ZNF236: variants seen among roughly 807,000 people sequenced by gnomAD.
The protein encoded by ZNF236 is zinc finger protein 236.
In ZNF236, 50 loss-of-function variants were observed where a neutral mutation model predicts 191.2. The ratio of observed to expected loss-of-function variants is 0.26; its 90% CI spans 0.21 to 0.33. The LOEUF (loss-of-function observed/expected upper bound fraction) is 0.33, where lower values mean the gene tolerates loss of function less well. Ranked by LOEUF, ZNF236 falls within the 10% of genes least tolerant of loss-of-function variation. The probability of loss-of-function intolerance (pLI) is 1.00; values close to 1 mark genes in which losing one functional copy is unlikely to be tolerated. For synonymous variants in ZNF236, 907 were observed against 928.8 expected (o/e 0.98, Z 0.43); for missense variants, 1,754 against 2,374.5 (o/e 0.74, Z 5.43).
intron 3 of ZNF236, among the ~76,000 whole-genome samples, chr18:76,860,304 A>G (rs931906276): frequency 5.3e-5 from 8 of 152,164 alleles, no homozygotes; most frequent in African/African-American, 1.9e-4. Context: ...CTCTAAGGCT[A>G]CACCCATCTA....
chr18:76,851,263 CTTTT>C (rs775928958), intron 2 of ZNF236, among the ~76,000 whole-genome samples: 2 of 117,676 alleles, frequency 1.7e-5, no homozygotes, highest in Non-Finnish European at 1.7e-5. Flanking sequence ...AGAAAGAAAC[CTTTT>C]TTTTTTTTTT....
At chr18:76,954,444 C>T (rs1024716937) in intron 27 of ZNF236, among the ~76,000 whole-genome samples, 1 of 152,216 alleles carries the variant, frequency 6.6e-6, no homozygotes, top group Non-Finnish European at 1.5e-5. Context: ...CTTCAGCATG[C>T]ATTTATCTGC....
At chr18:76,897,195 C>T (rs866900365) in intron 10 of ZNF236, among the ~76,000 whole-genome samples, 21 of 151,250 alleles carry the variant, frequency 1.4e-4, no homozygotes, top group African/African-American at 2.7e-4. Context: ...CCACTGGTAC[C>T]GCATAAAGTA....
chr18:76,882,707 C>T (rs1323599476), intron 9 of ZNF236, among the ~76,000 whole-genome samples: 1 of 152,208 alleles, frequency 6.6e-6, no homozygotes, highest in African/African-American at 2.4e-5. Context: ...ACTAGTCAGG[C>T]TCTTCTTCCC....
At chr18:76,905,545 GAAAAA>G (rs1159878664) in intron 13 of ZNF236, 130 bp downstream of exon 13, 13 of 68,010 alleles carry the variant, frequency 1.9e-4, no homozygotes, top group South Asian at 4.2e-4. Flanking sequence ...ATGGGCTCAA[GAAAAA>G]AAAAAAAAAA....
At chr18:76,909,528 C>G (rs1218754208) in intron 14 of ZNF236, among the ~76,000 whole-genome samples, 1 of 152,020 alleles carries the variant, frequency 6.6e-6, no homozygotes, top group East Asian at 1.9e-4. Flanking sequence ...GGCTCCTGAA[C>G]CAGAATATAA....
rs865879162 is a variant in ZNF236, at chr18:76,908,331, C to T, written c.2309C>T (p.Ala770Val). 5.0e-6 allele frequency: 8 copies of T among 1,613,044 alleles called. No individual in the cohort carries two copies. The African/African-American group carries it at 9.3e-5, about 19-fold the overall frequency. ...TAATTTTTCTGAAGATATGAGCTTG[C>T]CCAGCAGCTCCAACAGCATCAGCAG... ...KHMKTHRYEL[A>V]QQLQQHQQAA... The change falls in exon 14 of 31, where the codon GCC (alanine) becomes GTC (valine). Residue 770 changes from alanine to valine, a missense_variant. Ala to Val is a moderately conservative substitution (Grantham distance 64). This residue lies in a region of ZNF236 where 641 missense variants were observed against 869.6 expected (regional missense o/e 0.74). Transcript: ENST00000320610.
rs1347691102 is a variant in ZNF236 at position 76,919,403 on chromosome 18, G to A, written c.3275-373G>A. Among the ~76,000 whole-genome samples, 1 of 152,170 alleles carries A rather than the reference G, an allele frequency of 6.6e-6. No homozygotes were observed. Reference sequence around the variant, plus strand: ...TATTCATCACCTTAAGTATTTAGCAGTTTCTAAGTATGGGAACATTTCAAG... The same window carrying A: ...TATTCATCACCTTAAGTATTTAGCAATTTCTAAGTATGGGAACATTTCAAG... On this transcript the variant is annotated intron_variant, in intron 19 of 30. Coordinates refer to ENST00000320610, the MANE Select transcript of ZNF236 (RefSeq NM_001306089.2). This position sits in a 1 kb window ranked among gnomAD's most constrained non-coding sequence, Gnocchi z 5.3.
At chr18:76,836,972 T>C (rs1006703246) in intron 1 of ZNF236, among the ~76,000 whole-genome samples, 1 of 151,964 alleles carries the variant, frequency 6.6e-6, no homozygotes, top group Admixed American at 6.6e-5. Context: ...GACTTCCAGG[T>C]TCAAGCAATT....
intron 25 of ZNF236, among the ~76,000 whole-genome samples, chr18:76,933,767 A>G (rs1349586222): frequency 1.3e-5 from 2 of 152,196 alleles, no homozygotes; most frequent in African/African-American, 4.8e-5. Context: ...AATTGTTCAT[A>G]TATTGACCCA....
intron 22 of ZNF236, among the ~76,000 whole-genome samples, chr18:76,926,727 C>CTGTGTGTATGATATAAAGGGTGATTAGA (rs1967694106): frequency 5.7e-3 from 13 of 2,284 alleles, no homozygotes; most frequent in Non-Finnish European, 0.01. Context: ...GGTGATTAGA[C>CTGTGTGTATGATATAAAGGGTGATTAGA]CATGTGTGTG....
Position 76,880,206 on chromosome 18 carries a change from A to G in ZNF236, c.1078A>G (p.Ile360Val). ...QPSSQAVSDVIQQLLELSEPA... is the reference protein window; with the variant it reads ...QPSSQAVSDVVQQLLELSEPA... ...GAGCTCCCAGGCGGTGAGCGACGTC[A>G]TCCAGCAGCTCCTGGAGCTCTCAGA... Residue 360 changes from isoleucine to valine, a missense_variant, in exon 8 of 31, where the codon ATC becomes GTC. By Grantham distance (29) the Ile-to-Val change is conservative. Transcript: ENST00000320610. This position sits in a 1 kb window ranked among gnomAD's most constrained non-coding sequence, Gnocchi z 5.0. 1 of 1,614,140 alleles carries G rather than the reference A, an allele frequency of 6.2e-7. No homozygotes were observed. Among genetic ancestry groups the G allele is most frequent in the Non-Finnish European group, 8.5e-7 (1 of 1,180,018 alleles).
chr18:76,862,067 G>C (rs1393396474), intron 3 of ZNF236, among the ~76,000 whole-genome samples: 1 of 152,018 alleles, frequency 6.6e-6, no homozygotes, highest in African/African-American at 2.4e-5. Context: ...ATTTCACTGT[G>C]TTAGCCAGGA....
In ZNF236 at chr18:76,899,040, C is replaced by G; in HGVS notation, c.1712C>G (p.Pro571Arg). The change falls in exon 11 of 31, where the codon CCT becomes CGT. Residue 571 changes from proline to arginine, a missense_variant. Coordinates refer to ENST00000320610, the MANE Select transcript of ZNF236 (RefSeq NM_001306089.2). ...LHTGVRPFAC[P>R]HCDKKFRTSG... Reference sequence around the variant, plus strand: ...TTAGGAGTTAGACCTTTTGCTTGTCCTCACTGTGACAAAAAATTTCGAACC... The same window carrying G: ...TTAGGAGTTAGACCTTTTGCTTGTCGTCACTGTGACAAAAAATTTCGAACC... 6.2e-7 allele frequency: 1 copy of G among 1,614,014 alleles called. No individual in the cohort carries two copies. Among genetic ancestry groups the G allele is most frequent in the Non-Finnish European group, 8.5e-7 (1 of 1,179,938 alleles).
At chr18:76,842,160 T>C (rs569369979) in intron 1 of ZNF236, among the ~76,000 whole-genome samples, 2 of 152,286 alleles carry the variant, frequency 1.3e-5, no homozygotes, top group East Asian at 3.9e-4. Flanking sequence ...TGGATGTTAG[T>C]TTTCTTATCC....
At position 76,927,604 on chromosome 18, in the gene ZNF236, A is replaced by G; in HGVS notation, c.4414+87A>G. The G allele has an allele frequency of 6.7e-7, 1 of 1,493,708 alleles. No homozygotes were observed. Among genetic ancestry groups the G allele is most frequent in the South Asian group, 1.3e-5 (1 of 75,138 alleles). The allele number at this position is 1,493,708 out of a possible 1,614,324, so 92.5% of individuals were successfully genotyped here. A position where few individuals can be genotyped will look rare whatever the true frequency, so the allele number is the denominator to read the frequency against. ...ACATATTTGAATTTAGGATGTTATG[A>G]TGTCATTTTCTTCTCTTTGTAGAAG... is the stretch of plus-strand genomic sequence containing the variant. On this transcript the variant is annotated intron_variant, in intron 24 of 30. Coordinates refer to ENST00000320610, the MANE Select transcript of ZNF236 (RefSeq NM_001306089.2). The surrounding 1 kb of genome is among the most constrained non-coding windows in gnomAD (Gnocchi z 5.4).
At chr18:76,890,865 G>T (rs1977207301) in intron 9 of ZNF236, among the ~76,000 whole-genome samples, 1 of 151,990 alleles carries the variant, frequency 6.6e-6, no homozygotes, top group African/African-American at 2.4e-5. Flanking sequence ...GTTTTATCCT[G>T]CCTCTGCCAC....
In ZNF236 at chr18:76,910,065, C is replaced by T. The variant is rs2122763569; in HGVS notation, c.2552-3C>T. Reference sequence around the variant, plus strand: ...GTCCCCCTTTTTTACATCTCATCCTCAGATGGGTTTGTGGCTCCACAGGAC... The same window carrying T: ...GTCCCCCTTTTTTACATCTCATCCTTAGATGGGTTTGTGGCTCCACAGGAC... On this transcript the variant is annotated splice_region_variant and splice_polypyrimidine_tract_variant and intron_variant, in intron 14 of 30. Transcript: ENST00000320610. 1.2e-6 allele frequency: 2 copies of T among 1,607,740 alleles called. No individual in the cohort carries two copies. Among genetic ancestry groups the T allele is most frequent in the Non-Finnish European group, 1.7e-6 (2 of 1,174,974 alleles).
intron 18 of ZNF236, among the ~76,000 whole-genome samples, chr18:76,914,671 C>T (rs1354986508): frequency 6.6e-6 from 1 of 152,176 alleles, no homozygotes; most frequent in African/African-American, 2.4e-5. Flanking sequence ...ACATCTTTCA[C>T]AGACGCTGAG....
Sources: allele counts gnomAD v4.1 joint callset (sites outside exome capture counted in the v4.1 genomes callset), GRCh38; gene constraint gnomAD v4.1.1; regional missense constraint gnomAD v4.1.1; non-coding constraint Gnocchi (gnomAD v3.1); transcripts MANE v1.5; gene names NCBI Gene and HGNC (gene_info 2026-07-23, HGNC 2026-07-21).